Variants in MMD2 observed in about 807,000 individuals in gnomAD.
MMD2 encodes monocyte to macrophage differentiation associated 2.
Under a neutral mutation model 33.5 loss-of-function variants are expected in MMD2, and 30 were observed. The ratio of observed to expected loss-of-function variants is 0.90; its 90% confidence interval spans 0.67 to 1.22. The LOEUF (loss-of-function observed/expected upper bound fraction) is 1.22, where lower values mean the gene tolerates loss of function less well. MMD2 is among the 50% of genes most tolerant of loss of function. The pLI, the probability that MMD2 is intolerant of heterozygous loss-of-function variation, is 0.00. For synonymous variants in MMD2, 129 were observed against 123.0 expected (o/e 1.05, Z -0.32); for missense variants, 364 against 325.4 (o/e 1.12, Z -0.91).
intron 4 of MMD2, among the ~76,000 whole-genome samples, chr7:4,912,218 G>A (rs1387081068): frequency 1.3e-5 from 2 of 152,010 alleles, no homozygotes; most frequent in African/African-American, 2.4e-5. Flanking sequence ...AGGGTGGAGG[G>A]TATGAACCAA....
At chr7:4,947,145 T>A (rs1033423660) in intron 1 of MMD2, among the ~76,000 whole-genome samples, 2 of 151,436 alleles carry the variant, frequency 1.3e-5, no homozygotes, top group Non-Finnish European at 2.9e-5. Context: ...GAGGTGGAGT[T>A]TGCAGTAAGC....
the MMD2 span, among the ~76,000 whole-genome samples, chr7:4,897,227 T>TAAAAAAAAA: frequency 8.5e-6 from 1 of 117,154 alleles, no homozygotes; most frequent in African/African-American, 3.2e-5. Flanking sequence ...GTGTTATATT[T>TAAAAAAAAA]AAAAAAAAAA....
At chr7:4,943,365 G>A (rs571836987) in intron 1 of MMD2, among the ~76,000 whole-genome samples, 6 of 151,696 alleles carry the variant, frequency 4.0e-5, no homozygotes, top group Admixed American at 2.6e-4. Flanking sequence ...GGATGATCTC[G>A]ATCTCCCGAC....
rs866966961 is a variant in MMD2, at chr7:4,907,160, C to G, written c.*236G>C. On this transcript the variant is annotated 3_prime_UTR_variant, in exon 7 of 7. Transcript: ENST00000401401. ...AATGTTGCTTGTATTAGGAAACACT[C>G]ATCTAAAATAGAAACACATTACAGG... is the stretch of plus-strand genomic sequence containing the variant. The G allele has an allele frequency of 1.9e-6, 1 of 527,072 alleles. No individual in the cohort carries two copies. The highest frequency in any genetic ancestry group is 1.9e-5 in the African/African-American group (1 of 52,498). 32.6% of individuals were successfully genotyped at this position (527,072 alleles called of 1,614,324 possible). A position where few individuals can be genotyped will look rare whatever the true frequency, so the allele number is the denominator to read the frequency against.
At chr7:4,909,432 C>CAAA (rs398066566) in intron 6 of MMD2, among the ~76,000 whole-genome samples, 186 of 133,504 alleles carry the variant, frequency 1.4e-3, no homozygotes, top group East Asian at 6.1e-3. Context: ...CCTGCCTCTA[C>CAAA]AAAAAAAAAA....
At chr7:4,947,492 C>T (rs1466805680) in intron 1 of MMD2, among the ~76,000 whole-genome samples, 1 of 150,608 alleles carries the variant, frequency 6.6e-6, no homozygotes, top group Non-Finnish European at 1.5e-5. Context: ...CTCCCGGGTT[C>T]AAGCGATTCT....
intron 1 of MMD2, among the ~76,000 whole-genome samples, chr7:4,956,538 T>C (rs1163354475): frequency 1.3e-5 from 2 of 152,046 alleles, no homozygotes; most frequent in Non-Finnish European, 2.9e-5. Context: ...AACTAATCCA[T>C]GCGATCCATT....
the MMD2 span, among the ~76,000 whole-genome samples, chr7:4,899,483 G>C: frequency 6.6e-6 from 1 of 151,972 alleles, no homozygotes; most frequent in Non-Finnish European, 1.5e-5. Flanking sequence ...CCGCTTCCTG[G>C]GTTAAGCAGT....
Position 4,948,390 on chromosome 7 carries a change from G to A in MMD2, c.47+10581C>T, listed in dbSNP as rs534754588. On this transcript the variant is annotated intron_variant, in intron 1 of 6. Coordinates refer to ENST00000401401, the MANE Select transcript of MMD2 (RefSeq NM_198403.4). Reference sequence around the variant, plus strand: ...ACAAAAATTAGCTGGACGTGGTGGCGCACATGCCTGTAGTACCAGCTACTC... The same window carrying A: ...ACAAAAATTAGCTGGACGTGGTGGCACACATGCCTGTAGTACCAGCTACTC... 9.2e-5 allele frequency among the ~76,000 whole-genome samples: 14 copies of A among 152,206 alleles called. 1 individual carries two copies. The highest frequency in any genetic ancestry group is 2.6e-4 in the African/African-American group (11 of 41,528).
chr7:4,942,300 A>C (rs1785932613), intron 1 of MMD2, among the ~76,000 whole-genome samples: 1 of 149,234 alleles, frequency 6.7e-6, no homozygotes, highest in African/African-American at 2.5e-5. Context: ...GGGTCTTGCC[A>C]TGTTGCCCAG....
At chr7:4,933,345 G>C (rs1785645196) in intron 1 of MMD2, among the ~76,000 whole-genome samples, 1 of 152,164 alleles carries the variant, frequency 6.6e-6, no homozygotes. Context: ...CTGCATGGGA[G>C]AGCATGATTG....
intron 1 of MMD2, among the ~76,000 whole-genome samples, chr7:4,935,677 C>CA (rs11337982): frequency 0.029 from 2,529 of 86,002 alleles, 95 homozygotes; most frequent in African/African-American, 0.09. Context: ...GACCCTGTCT[C>CA]AAAAAAAAAA....
At chr7:4,909,724 T>C in intron 6 of MMD2, 157 bp downstream of exon 6, 1 of 972,282 alleles carries the variant, frequency 1.0e-6, no homozygotes, top group Non-Finnish European at 1.6e-6. Context: ...CATGAGCCAC[T>C]GTACCTGGCC....
chr7:4,934,646 T>G (rs1440675534), intron 1 of MMD2, among the ~76,000 whole-genome samples: 1 of 152,074 alleles, frequency 6.6e-6, no homozygotes, highest in Admixed American at 6.6e-5. Context: ...CATGGCTTGG[T>G]GGAGGACTCC....
At chr7:4,909,179 C>G (rs1346152974) in intron 6 of MMD2, among the ~76,000 whole-genome samples, 1 of 151,990 alleles carries the variant, frequency 6.6e-6, no homozygotes, top group Admixed American at 6.6e-5. Flanking sequence ...ACTATTAACA[C>G]GAGTTGTTCT....
At chr7:4,948,339 G>C (rs957442862) in intron 1 of MMD2, among the ~76,000 whole-genome samples, 3 of 152,096 alleles carry the variant, frequency 2.0e-5, no homozygotes, top group Admixed American at 1.3e-4. Context: ...CCAGCCTTGG[G>C]GGGGATCCCC....
rs573615132 is a variant in MMD2 at position 4,933,466 on chromosome 7, T to A, written c.48-7934A>T. On this transcript the variant is annotated intron_variant, in intron 1 of 6. Transcript: ENST00000401401. The stretch of plus-strand genomic sequence containing the variant: ...CTGGTAATTATTCTCGACTCTTCCA[T>A]CCCTGTCTTTGCTCCTGCATCCCCT... Among the ~76,000 whole-genome samples, 80 of 152,248 alleles carry A rather than the reference T, an allele frequency of 5.3e-4. 1 individual carries two copies. Among genetic ancestry groups the A allele is most frequent in the African/African-American group, 1.9e-3 (79 of 41,504 alleles).
chr7:4,950,712 C>CTTTT (rs71004603), intron 1 of MMD2, among the ~76,000 whole-genome samples: 1 of 133,898 alleles, frequency 7.5e-6, no homozygotes, highest in Non-Finnish European at 1.6e-5. Flanking sequence ...TTCTTTCCTT[C>CTTTT]TTTTTTTTTT....
At position 4,908,284 on chromosome 7, in the gene MMD2, G is replaced by A. The variant is rs568103040; in HGVS notation, c.538-685C>T. Among the ~76,000 whole-genome samples the A allele has an allele frequency of 8.6e-4, 130 of 151,568 alleles. 1 individual carries two copies. Among genetic ancestry groups the A allele is most frequent in the Non-Finnish European group, 1.4e-3 (97 of 67,908 alleles). ...AGCCTCCCGAGTAGCTGGGACTACA[G>A]GCATGCACCACCATGCCCGGCTAAT... On this transcript the variant is annotated intron_variant, in intron 6 of 6. Transcript: ENST00000401401.
Sources: gnomAD v4.1 joint callset for allele counts (sites outside exome capture counted in the v4.1 genomes callset) on GRCh38, gnomAD v4.1.1 for gene constraint, MANE v1.5 for transcripts, NCBI Gene and HGNC (gene_info 2026-07-23, HGNC 2026-07-21) for gene names.